The following LRBA variants were observed in gnomAD, a reference collection of about 807,000 sequenced individuals.
LRBA encodes the protein lipopolysaccharide-responsive and beige-like anchor protein.
A neutral mutation model predicts 330.0 loss-of-function variants in LRBA; 176 were observed. That is an observed-to-expected ratio of 0.53 (90% CI 0.47 to 0.60). The LOEUF (loss-of-function observed/expected upper bound fraction) is 0.60, where lower values mean the gene tolerates loss of function less well. Ranked by LOEUF, LRBA falls within the 20% of genes least tolerant of loss-of-function variation. LRBA has a pLI of 0.00. For missense variants in LRBA, 3,259 were observed against 3,444.8 expected, an observed-to-expected ratio of 0.95 and a Z score of 1.35; for synonymous variants, 1,230 against 1,193.0, an observed-to-expected ratio of 1.03 and a Z score of -0.64.
At chr4:150,897,566 A>G (rs1418975097) in intron 15 of LRBA, among the ~76,000 whole-genome samples, 173 bp downstream of exon 15, 1 of 152,098 alleles carries the variant, frequency 6.6e-6, no homozygotes, top group Non-Finnish European at 1.5e-5. Flanking sequence ...AATAATTTAC[A>G]TCCATATAGG....
In LRBA at chr4:150,265,245, T is replaced by C. The variant is rs1244785249; in HGVS notation, c.*477A>G. On this transcript the variant is annotated 3_prime_UTR_variant, in exon 57 of 57. Transcript: ENST00000651943. ...ATTACATTTACCATAATTTAAACAT[T>C]ACTATTTAAATCCCAGAAATATTAG... 2.6e-5 allele frequency: 4 copies of C among 156,756 alleles called. No individual in the cohort carries two copies. Among genetic ancestry groups the C allele is most frequent in the Non-Finnish European group, 5.7e-5 (4 of 70,300 alleles). The allele number at this position is 156,756 out of a possible 1,614,324, so 9.7% of individuals were successfully genotyped here.
intron 2 of LRBA, among the ~76,000 whole-genome samples, chr4:150,965,932 T>A (rs994628316): frequency 6.6e-6 from 1 of 152,058 alleles, no homozygotes; most frequent in African/African-American, 2.4e-5. Flanking sequence ...AAAGAGGTCA[T>A]AGAGAGAGAT....
chr4:150,497,383 T>C (rs1304898882), intron 40 of LRBA, among the ~76,000 whole-genome samples: 2 of 152,196 alleles, frequency 1.3e-5, no homozygotes, highest in African/African-American at 4.8e-5. Context: ...CAGTCGACTC[T>C]GGTGGAAAAT....
chr4:150,931,507 T>A (rs1734499822), intron 2 of LRBA, among the ~76,000 whole-genome samples: 1 of 150,644 alleles, frequency 6.6e-6, no homozygotes, highest in Non-Finnish European at 1.5e-5. Context: ...ACACCTATAA[T>A]CCCAAAACTT....
chr4:150,984,305 G>A (rs548761572), intron 2 of LRBA, among the ~76,000 whole-genome samples: 56 of 133,738 alleles, frequency 4.2e-4, no homozygotes, highest in African/African-American at 1.4e-3. Context: ...CTGAGGTCAG[G>A]AGTTCGAGAC....
chr4:150,364,678 T>C (rs1343465424), intron 47 of LRBA, among the ~76,000 whole-genome samples: 2 of 152,202 alleles, frequency 1.3e-5, no homozygotes, highest in Non-Finnish European at 2.9e-5. Flanking sequence ...GGTTTTACTG[T>C]TCTTTCAACT....
intron 35 of LRBA, among the ~76,000 whole-genome samples, chr4:150,736,182 A>G (rs1220630638): frequency 6.6e-6 from 1 of 152,224 alleles, no homozygotes; most frequent in Non-Finnish European, 1.5e-5. Flanking sequence ...ACAATCGGCC[A>G]TTAGTCTAAC....
intron 56 of LRBA, among the ~76,000 whole-genome samples, chr4:150,273,041 T>G (rs1485682992): frequency 2.6e-5 from 4 of 151,766 alleles, no homozygotes; most frequent in African/African-American, 9.7e-5. Context: ...GAAGGAAAAA[T>G]TGTTAAGGGC....
At chr4:150,974,776 C>CAA (rs1739965886) in intron 2 of LRBA, among the ~76,000 whole-genome samples, 2 of 152,140 alleles carry the variant, frequency 1.3e-5, no homozygotes, top group African/African-American at 4.8e-5. Context: ...CATCCCTGTG[C>CAA]AAAGCATATG....
chr4:150,582,248 A>T (rs1771466024), intron 40 of LRBA: 1 of 152,142 alleles, frequency 6.6e-6, no homozygotes, highest in Non-Finnish European at 1.5e-5. Flanking sequence ...AACAACTTCC[A>T]GCGGTTTGCA....
chr4:150,769,573 G>A (rs1249146682), intron 34 of LRBA, among the ~76,000 whole-genome samples: 1 of 152,168 alleles, frequency 6.6e-6, no homozygotes. Flanking sequence ...TCTACTGGGG[G>A]AAGAGTCAGC....
intron 56 of LRBA, among the ~76,000 whole-genome samples, chr4:150,272,485 T>C (rs1264543330): frequency 1.3e-5 from 2 of 151,822 alleles, no homozygotes; most frequent in African/African-American, 4.8e-5. Context: ...TTAACAGAAG[T>C]AGGCTTCAGA....
chr4:150,480,426 T>A (rs1757169925), intron 42 of LRBA, among the ~76,000 whole-genome samples: 1 of 152,020 alleles, frequency 6.6e-6, no homozygotes, highest in African/African-American at 2.4e-5. Context: ...AAATCCTTAA[T>A]CTATAGATTT....
rs1775805045 is a variant in LRBA at position 150,616,730 on chromosome 4, A to T, written c.5922-17599T>A. Among the ~76,000 whole-genome samples, 3 of 152,208 alleles carry T rather than the reference A, an allele frequency of 2.0e-5. No homozygotes were observed. The South Asian group carries it at 6.2e-4, about 31-fold the overall frequency. On this transcript the variant is annotated intron_variant, in intron 37 of 56. Transcript: ENST00000651943. Reference sequence around the variant, plus strand: ...CTCAGCAAGTAGAAATAAATCTTTCAGTTATTCAACTGTAGTACAGAAGTC... The same window carrying T: ...CTCAGCAAGTAGAAATAAATCTTTCTGTTATTCAACTGTAGTACAGAAGTC...
At chr4:150,453,633 A>G (rs926335012) in intron 44 of LRBA, among the ~76,000 whole-genome samples, 4 of 152,210 alleles carry the variant, frequency 2.6e-5, no homozygotes, top group Admixed American at 6.5e-5. Context: ...AGTCAATTAC[A>G]TAATCTAAAT....
intron 47 of LRBA, among the ~76,000 whole-genome samples, chr4:150,411,636 T>A (rs536182866): frequency 3.3e-5 from 5 of 152,294 alleles, no homozygotes; most frequent in African/African-American, 1.2e-4. Context: ...CACAGCTTGA[T>A]GTGGCTCTGG....
At chr4:150,968,283 A>C (rs930223312) in intron 2 of LRBA, among the ~76,000 whole-genome samples, 3 of 152,164 alleles carry the variant, frequency 2.0e-5, no homozygotes, top group Non-Finnish European at 4.4e-5. Flanking sequence ...GATCACAGGC[A>C]TGAGCCACTG....
At chr4:150,990,748 A>C (rs1165597955) in intron 2 of LRBA, among the ~76,000 whole-genome samples, 2 of 151,994 alleles carry the variant, frequency 1.3e-5, no homozygotes, top group Non-Finnish European at 2.9e-5. Flanking sequence ...GGCCAGGCAC[A>C]GTAGCTCATG....
intron 35 of LRBA, among the ~76,000 whole-genome samples, chr4:150,738,287 G>A (rs891445260): frequency 3.9e-5 from 6 of 151,982 alleles, no homozygotes; most frequent in African/African-American, 1.5e-4. Context: ...CACAGCAGCC[G>A]GCCGAATTCT....
Sources: gnomAD v4.1 joint callset for allele counts (sites outside exome capture counted in the v4.1 genomes callset) on GRCh38, gnomAD v4.1.1 for gene constraint, MANE v1.5 for transcripts, NCBI Gene and HGNC (gene_info 2026-07-23, HGNC 2026-07-21) for gene names.